Variants in STAT3 observed in about 807,000 individuals in gnomAD.
STAT3 encodes the protein signal transducer and activator of transcription 3, also known as DNA-binding protein APRF.
Under a neutral mutation model 114.3 loss-of-function variants are expected in STAT3, and 7 were observed. The observed-to-expected ratio is 0.06, with a 90% CI of 0.03 to 0.11. The LOEUF (loss-of-function observed/expected upper bound fraction) is 0.11, where lower values mean the gene tolerates loss of function less well. Among genes scored for constraint, STAT3 ranks in the 10% least tolerant of loss-of-function variants. The pLI is 1.00. For missense variants in STAT3, 364 were observed against 960.9 expected, an observed-to-expected ratio of 0.38 and a Z score of 8.21; for synonymous variants, 331 against 354.5, an observed-to-expected ratio of 0.93 and a Z score of 0.74.
chr17:42,335,548 T>C (rs960287459), intron 8 of STAT3, among the ~76,000 whole-genome samples: 2 of 152,230 alleles, frequency 1.3e-5, no homozygotes, highest in African/African-American at 4.8e-5. Context: ...GACATTATGT[T>C]TCAAAATATT....
chr17:42,379,196 T>C (rs1164010564), intron 1 of STAT3, among the ~76,000 whole-genome samples: 2 of 152,200 alleles, frequency 1.3e-5, no homozygotes, highest in Non-Finnish European at 1.5e-5. Context: ...AAGCCGTTTA[T>C]TTCCCAGAAG....
chr17:42,331,402 A>T, intron 11 of STAT3, 70 bp downstream of exon 11: 1 of 1,374,310 alleles, frequency 7.3e-7, no homozygotes, highest in South Asian at 1.2e-5. Flanking sequence ...TCTAGTTCAA[A>T]TGATGTCTGT....
chr17:42,363,908 A>G (rs2083644265), intron 1 of STAT3, among the ~76,000 whole-genome samples: 1 of 152,088 alleles, frequency 6.6e-6, no homozygotes, highest in Non-Finnish European at 1.5e-5. Flanking sequence ...TCTGTCAGAC[A>G]GGCTCTCCCT....
Position 42,369,476 on chromosome 17 carries a change from T to G in STAT3, c.-24+18803A>C, listed in dbSNP as rs979607344. 2.6e-5 allele frequency among the ~76,000 whole-genome samples: 4 copies of G among 152,214 alleles called. No homozygotes were observed. In the East Asian group the frequency reaches 5.8e-4, roughly 22 times the overall value. On this transcript the variant is annotated intron_variant, in intron 1 of 23. Transcript: ENST00000264657. Reference sequence around the variant, plus strand: ...ATCCAATTTGTCACTGATGGGCATTTAGGTTGATTCCATGTCTTTGCTATT... The same window carrying G: ...ATCCAATTTGTCACTGATGGGCATTGAGGTTGATTCCATGTCTTTGCTATT...
intron 1 of STAT3, among the ~76,000 whole-genome samples, chr17:42,376,284 GC>G (rs2084453922): frequency 6.6e-6 from 1 of 152,194 alleles, no homozygotes; most frequent in African/African-American, 2.4e-5. Flanking sequence ...TAAAATTTGA[GC>G]TTTAGAGTAA....
intron 1 of STAT3, among the ~76,000 whole-genome samples, chr17:42,360,791 T>C (rs887715391): frequency 2.0e-5 from 3 of 152,136 alleles, no homozygotes; most frequent in Non-Finnish European, 2.9e-5. Flanking sequence ...CAGACCCACA[T>C]CTGGATGCTA....
intron 1 of STAT3, among the ~76,000 whole-genome samples, chr17:42,368,607 GCAC>G (rs2083931262): frequency 6.6e-6 from 1 of 151,976 alleles, no homozygotes; most frequent in Admixed American, 6.6e-5. Flanking sequence ...CTGCAGGCAT[GCAC>G]CACCACACCT....
chr17:42,326,541 G>A (rs1320078285), intron 14 of STAT3, among the ~76,000 whole-genome samples: 1 of 151,088 alleles, frequency 6.6e-6, no homozygotes, highest in Non-Finnish European at 1.5e-5. Flanking sequence ...AAAAAAGGCT[G>A]AGCGTGATGG....
Position 42,383,042 on chromosome 17 carries a change from C to T in STAT3, c.-24+5237G>A, listed in dbSNP as rs1037523772. ...TTCCCAGGCCTCATAACCTCTCCTT[C>T]CTCTGAAGACATGTAGCATTCAGTG... On this transcript the variant is annotated intron_variant, in intron 1 of 23. Transcript: ENST00000264657. 1.7e-4 allele frequency among the ~76,000 whole-genome samples: 26 copies of T among 152,026 alleles called. 1 individual carries two copies. Among genetic ancestry groups the T allele is most frequent in the Admixed American group, 1.7e-3 (26 of 15,258 alleles).
At chr17:42,346,478 G>A in intron 3 of STAT3, 91 bp downstream of exon 3, 2 of 1,573,612 alleles carry the variant, frequency 1.3e-6, no homozygotes, top group Non-Finnish European at 8.7e-7. Flanking sequence ...TCGTTACTTA[G>A]CCAAATGAGA....
chr17:42,331,305 T>G (rs2082001307), intron 11 of STAT3, among the ~76,000 whole-genome samples, 167 bp downstream of exon 11: 1 of 152,210 alleles, frequency 6.6e-6, no homozygotes, highest in Non-Finnish European at 1.5e-5. Flanking sequence ...CTTTGTGGCT[T>G]TGTTCAGACA....
At chr17:42,338,872 A>G (rs2082325131) in intron 5 of STAT3, 60 bp from the exon 6 acceptor site, 1 of 1,461,576 alleles carries the variant, frequency 6.8e-7, no homozygotes, top group African/African-American at 1.4e-5. Flanking sequence ...GGGAACAGAA[A>G]ATATAAAGTT....
Position 42,315,579 on chromosome 17 carries a change from TAA to T in STAT3, c.*164_*165del, listed in dbSNP as rs2081216072. 2.8e-6 allele frequency: 2 copies of T among 702,370 alleles called. No individual in the cohort carries two copies. The highest frequency in any genetic ancestry group is 1.8e-5 in the African/African-American group (1 of 56,224). 43.5% of individuals were successfully genotyped at this position (702,370 alleles called of 1,614,324 possible). A position where few individuals can be genotyped will look rare whatever the true frequency, so the allele number is the denominator to read the frequency against. ...CCACATTCACTCATTTCTCTATTTT[TAA>T]AAGTGCCCAGATTGCTCAAAGATAG... On this transcript the variant is annotated 3_prime_UTR_variant, in exon 24 of 24. Transcript: ENST00000264657.
intron 1 of STAT3, among the ~76,000 whole-genome samples, chr17:42,384,124 A>ATTTTTTTTT (rs1202429954): frequency 3.7e-5 from 3 of 81,956 alleles, no homozygotes; most frequent in Non-Finnish European, 8.0e-5. Flanking sequence ...TTATTTATTT[A>ATTTTTTTTT]TTTATTTATT....
intron 1 of STAT3, among the ~76,000 whole-genome samples, chr17:42,356,800 T>C (rs1271578364): frequency 6.6e-6 from 1 of 151,394 alleles, no homozygotes; most frequent in African/African-American, 2.4e-5. Context: ...GTTGTTGTTG[T>C]TGTTTGAGAC....
At chr17:42,330,711 G>A (rs1403509785) in intron 11 of STAT3, among the ~76,000 whole-genome samples, 1 of 152,134 alleles carries the variant, frequency 6.6e-6, no homozygotes, top group East Asian at 1.9e-4. Flanking sequence ...TTACAGGCAT[G>A]AGCCACCGCG....
chr17:42,347,158 G>C (rs2082734853), intron 2 of STAT3, among the ~76,000 whole-genome samples: 1 of 132,252 alleles, frequency 7.6e-6, no homozygotes, highest in Non-Finnish European at 1.5e-5. Flanking sequence ...CTGCACTCCA[G>C]CCTGGGCTAC....
intron 11 of STAT3, among the ~76,000 whole-genome samples, chr17:42,331,253 G>T (rs546176614): frequency 3.3e-5 from 5 of 152,330 alleles, no homozygotes; most frequent in Non-Finnish European, 7.3e-5. Context: ...AAGAGGGACT[G>T]GTTGTCACAA....
intron 1 of STAT3, among the ~76,000 whole-genome samples, chr17:42,381,446 C>G (rs1295815174): frequency 6.6e-6 from 1 of 152,126 alleles, no homozygotes; most frequent in Non-Finnish European, 1.5e-5. Context: ...ATTTGGAAGG[C>G]CAGGCGTGCT....
Sources: gnomAD v4.1 joint callset for allele counts (sites outside exome capture counted in the v4.1 genomes callset) on GRCh38, gnomAD v4.1.1 for gene constraint, MANE v1.5 for transcripts, NCBI Gene and HGNC (gene_info 2026-07-23, HGNC 2026-07-21) for gene names.